SPTBN4: variants seen among roughly 807,000 people sequenced by gnomAD.
The protein encoded by SPTBN4 is spectrin beta, non-erythrocytic 4.
A neutral mutation model predicts 277.8 loss-of-function variants in SPTBN4; 96 were observed. The observed-to-expected ratio is 0.35, with a 90% confidence interval of 0.29 to 0.41. The LOEUF (loss-of-function observed/expected upper bound fraction) is 0.41, where lower values mean the gene tolerates loss of function less well. SPTBN4 is among the 10% of genes least tolerant of loss of function. SPTBN4 has a pLI of 1.00. For synonymous variants in SPTBN4, 1,481 were observed against 1,580.3 expected, an observed-to-expected ratio of 0.94 and a Z score of 1.49; for missense variants, 3,006 against 3,595.7, an observed-to-expected ratio of 0.84 and a Z score of 4.19.
chr19:40,531,481 T>G (rs1357056174), intron 18 of SPTBN4, among the ~76,000 whole-genome samples: 11 of 120,402 alleles, frequency 9.1e-5, no homozygotes, highest in African/African-American at 2.3e-4. Flanking sequence ...TTTTTTTTTT[T>G]TTTTTTTTTT....
Position 40,554,163 on chromosome 19 carries a change from T to G in SPTBN4, c.4691T>G (p.Ile1564Ser). Residue 1564 changes from isoleucine to serine, a missense_variant, in exon 23 of 36, where the codon ATC becomes AGC. Coordinates refer to ENST00000598249, the MANE Select transcript of SPTBN4 (RefSeq NM_020971.3). The surrounding 1 kb of genome is among the most constrained non-coding windows in gnomAD (Gnocchi z 5.7). ...IKKNQGLRRE[I>S]QAHGPRLEEV... ...TGCCCCCAGGGCCTGCGGCGGGAGA[T>G]CCAGGCGCATGGGCCGCGCCTGGAG... is the stretch of plus-strand genomic sequence containing the variant. 5.5e-6 allele frequency: 8 copies of G among 1,443,454 alleles called. No individual in the cohort carries two copies. Among genetic ancestry groups the G allele is most frequent in the Non-Finnish European group, 7.2e-6 (8 of 1,114,224 alleles). The allele number at this position is 1,443,454 out of a possible 1,614,324, so 89.4% of individuals were successfully genotyped here. A position where few individuals can be genotyped will look rare whatever the true frequency, so the allele number is the denominator to read the frequency against.
intron 33 of SPTBN4, 91 bp downstream of exon 33, chr19:40,570,819 A>C: frequency 7.3e-7 from 1 of 1,372,918 alleles, no homozygotes. Flanking sequence ...GGTGTGGCTC[A>C]ACTTCAGGCC....
Position 40,532,636 on chromosome 19 carries a change from G to C in SPTBN4, c.3960G>C (p.Trp1320Cys). The C allele has an allele frequency of 6.2e-7, 1 of 1,613,246 alleles. No homozygotes were observed. Among genetic ancestry groups the C allele is most frequent in the South Asian group, 1.1e-5 (1 of 90,986 alleles). ...FLRDCHELDG[W>C]IHEKMLMARD... ...CCTGTTCTGCACAGCTGGATGGCTG[G>C]ATCCATGAGAAGATGCTGATGGCGC... The change falls in exon 19 of 36, where the codon TGG becomes TGC. Residue 1320 changes from tryptophan (W) to cysteine (C), a missense_variant. Physicochemically the swap from Trp to Cys is radical, Grantham distance 215. This residue lies in a region of SPTBN4 where 1,759 missense variants were observed against 2,061.5 expected (regional missense o/e 0.85). Transcript: ENST00000598249.
At chr19:40,473,504 T>C (rs956122581) in intron 2 of SPTBN4, among the ~76,000 whole-genome samples, 1 of 151,938 alleles carries the variant, frequency 6.6e-6, no homozygotes, top group African/African-American at 2.4e-5. Context: ...ATTACAGGCA[T>C]GTGCCACCAC....
intron 15 of SPTBN4, among the ~76,000 whole-genome samples, chr19:40,516,519 C>A (rs551559328): frequency 4.2e-4 from 64 of 152,176 alleles, no homozygotes; most frequent in African/African-American, 1.5e-3. Flanking sequence ...GTTGGCCATG[C>A]TGGTCTTACA....
At chr19:40,557,918 CAAAAAAAAAAAA>C (rs772813414) in intron 26 of SPTBN4, among the ~76,000 whole-genome samples, 4 of 44,344 alleles carry the variant, frequency 9.0e-5, no homozygotes, top group Admixed American at 2.2e-4. Flanking sequence ...TACTCTGTCT[CAAAAAAAAAAAA>C]AAAAAAAAAA....
intron 2 of SPTBN4, among the ~76,000 whole-genome samples, chr19:40,474,898 A>G (rs765867247): frequency 5.7e-4 from 86 of 152,142 alleles, no homozygotes; most frequent in Non-Finnish European, 1.0e-3. Flanking sequence ...GTCTCAAAAC[A>G]AAACAAAAAA....
intron 2 of SPTBN4, among the ~76,000 whole-genome samples, chr19:40,475,812 G>A (rs1273815300): frequency 8.6e-5 from 13 of 151,704 alleles, no homozygotes; most frequent in South Asian, 2.1e-4. Flanking sequence ...TTGAGAGGCC[G>A]AGGCGGGCGG....
intron 18 of SPTBN4, 74 bp downstream of exon 18, chr19:40,529,205 G>A: frequency 7.1e-7 from 1 of 1,403,194 alleles, no homozygotes; most frequent in Non-Finnish European, 1.0e-6. Flanking sequence ...GGCCGAGGTG[G>A]GGGTGGGGAC....
chr19:40,487,626 G>C, intron 2 of SPTBN4, 71 bp from the exon 3 acceptor site: 1 of 1,548,198 alleles, frequency 6.5e-7, no homozygotes, highest in Non-Finnish European at 8.7e-7. Context: ...CTGGGTCTGA[G>C]CAGGCTTGGC....
chr19:40,561,924 C>T (rs540312510), intron 27 of SPTBN4, among the ~76,000 whole-genome samples: 9 of 151,934 alleles, frequency 5.9e-5, no homozygotes, highest in African/African-American at 1.7e-4. Flanking sequence ...TGAGGATGTG[C>T]GTTTGACTGG....
intron 20 of SPTBN4, among the ~76,000 whole-genome samples, chr19:40,539,049 A>G (rs1465172933): frequency 6.6e-6 from 1 of 151,850 alleles, no homozygotes; most frequent in Admixed American, 6.6e-5. Context: ...AGCTTGGACT[A>G]TGGGTCTCAA....
chr19:40,493,076 C>T, intron 5 of SPTBN4, 22 bp downstream of exon 5: 1 of 1,611,150 alleles, frequency 6.2e-7, no homozygotes, highest in Non-Finnish European at 8.5e-7. Context: ...CACCACCTTC[C>T]TTAGGAGGTT....
chr19:40,485,069 C>T (rs1307606259), intron 2 of SPTBN4, among the ~76,000 whole-genome samples: 1 of 152,050 alleles, frequency 6.6e-6, no homozygotes, highest in Non-Finnish European at 1.5e-5. Flanking sequence ...TCCCAAACTC[C>T]TGTCGTCAGG....
chr19:40,502,070 GA>G lies in SPTBN4; in HGVS notation c.897+39del. ...CAAGGAGTGGGTGAGTGGGAAGCTGGAAGCTGGTGGCAGGCACGGGTGGGAT... is the reference window on the plus strand; with the variant it reads ...CAAGGAGTGGGTGAGTGGGAAGCTGGAGCTGGTGGCAGGCACGGGTGGGAT... On this transcript the variant is annotated intron_variant, in intron 8 of 35. Coordinates refer to ENST00000598249, the MANE Select transcript of SPTBN4 (RefSeq NM_020971.3). This position sits in a 1 kb window ranked among gnomAD's most constrained non-coding sequence, Gnocchi z 4.9. The G allele has an allele frequency of 6.2e-7, 1 of 1,613,866 alleles. No individual in the cohort carries two copies. Among genetic ancestry groups the G allele is most frequent in the Non-Finnish European group, 8.5e-7 (1 of 1,179,968 alleles).
At chr19:40,482,672 A>G (rs1287879863) in intron 2 of SPTBN4, among the ~76,000 whole-genome samples, 4 of 152,212 alleles carry the variant, frequency 2.6e-5, no homozygotes, top group Non-Finnish European at 5.9e-5. Flanking sequence ...AACCAAATAT[A>G]TCTCAGAGGC....
Position 40,490,249 on chromosome 19 carries a change from G to T in SPTBN4, c.495+1G>T. ...CTGGACCATCATCCTGCGCTTCCAG[G>T]TGACCCTCGAGTGGCCCCTGCCAAG... On this transcript the variant is annotated splice_donor_variant, in intron 4 of 35. Transcript: ENST00000598249. LOFTEE classifies it high-confidence loss of function. The surrounding 1 kb of genome is among the most constrained non-coding windows in gnomAD (Gnocchi z 4.3). 6.2e-7 allele frequency: 1 copy of T among 1,612,582 alleles called. No individual in the cohort carries two copies.
chr19:40,554,872 G>A lies in SPTBN4; in HGVS notation c.5084+226G>A. ...GCACCTGGATTTGAGTGTAGTAGTG[G>A]GGACCTTGTCGGGGGAGAAAAGAGT... On this transcript the variant is annotated intron_variant, in intron 24 of 35. Coordinates refer to ENST00000598249, the MANE Select transcript of SPTBN4 (RefSeq NM_020971.3). This position sits in a 1 kb window ranked among gnomAD's most constrained non-coding sequence, Gnocchi z 5.7. 2 of 574,138 alleles carry A rather than the reference G, an allele frequency of 3.5e-6. No homozygotes were observed. Among genetic ancestry groups the A allele is most frequent in the East Asian group, 6.7e-5 (2 of 29,724 alleles). The allele number at this position is 574,138 out of a possible 1,614,324, so 35.6% of individuals were successfully genotyped here. A position where few individuals can be genotyped will look rare whatever the true frequency, so the allele number is the denominator to read the frequency against.
chr19:40,573,256 G>T (rs1318642956), intron 35 of SPTBN4, among the ~76,000 whole-genome samples: 1 of 152,180 alleles, frequency 6.6e-6, no homozygotes, highest in African/African-American at 2.4e-5. Flanking sequence ...AGGCTACAAT[G>T]AGCTGTGATT....
Sources: allele counts gnomAD v4.1 joint callset (sites outside exome capture counted in the v4.1 genomes callset), GRCh38; gene constraint gnomAD v4.1.1; regional missense constraint gnomAD v4.1.1; non-coding constraint Gnocchi (gnomAD v3.1); transcripts MANE v1.5; gene names NCBI Gene and HGNC (gene_info 2026-07-23, HGNC 2026-07-21).